The following TXNL4A variants were observed in gnomAD, a reference collection of about 807,000 sequenced individuals.
The protein encoded by TXNL4A is thioredoxin like 4A.
TXNL4A carries 17 observed loss-of-function variants against 14.6 expected under a neutral mutation model. The ratio of observed to expected loss-of-function variants is 1.16; its 90% CI spans 0.80 to 1.74. The LOEUF is 1.74. Ranked by LOEUF, TXNL4A falls within the 40% of genes most tolerant of loss-of-function variation. The pLI, the probability that TXNL4A is intolerant of heterozygous loss-of-function variation, is 0.00. For synonymous variants in TXNL4A, 83 were observed against 70.6 expected, an observed-to-expected ratio of 1.18 and a Z score of -0.88; for missense variants, 74 against 195.2, an observed-to-expected ratio of 0.38 and a Z score of 3.70.
chr18:80,029,296 A>G (rs1200806212), intron 1 of TXNL4A, among the ~76,000 whole-genome samples: 1 of 152,148 alleles, frequency 6.6e-6, no homozygotes, highest in African/African-American at 2.4e-5. Flanking sequence ...TTGATGTGTT[A>G]TTTGTCCCTA....
intron 1 of TXNL4A, among the ~76,000 whole-genome samples, chr18:80,014,511 G>A (rs549815015): frequency 8.5e-5 from 13 of 152,262 alleles, no homozygotes; most frequent in African/African-American, 2.9e-4. Context: ...TTCGGGTCTC[G>A]CATCCAGGTC....
intron 1 of TXNL4A, among the ~76,000 whole-genome samples, chr18:80,025,190 G>A (rs2051876377): frequency 6.6e-6 from 1 of 152,216 alleles, no homozygotes; most frequent in Admixed American, 6.5e-5. Context: ...GTTATTTTCA[G>A]TGGTACCTGG....
chr18:80,003,650 T>C (rs1475889458), intron 1 of TXNL4A, among the ~76,000 whole-genome samples: 4 of 152,216 alleles, frequency 2.6e-5, no homozygotes, highest in Non-Finnish European at 4.4e-5. Context: ...AAGCTACTTT[T>C]AAGAAGCATT....
At chr18:79,979,334 ATT>A (rs2051428440) in intron 1 of TXNL4A, 1 of 152,156 alleles carries the variant, frequency 6.6e-6, no homozygotes, top group Non-Finnish European at 1.5e-5. Context: ...TTACTTTACC[ATT>A]TGATATAGTT....
At chr18:80,002,084 TC>T in intron 1 of TXNL4A, among the ~76,000 whole-genome samples, 1 of 152,172 alleles carries the variant, frequency 6.6e-6, no homozygotes, top group Non-Finnish European at 1.5e-5. Flanking sequence ...GGGCAGTTTT[TC>T]CCCATACTTT....
chr18:80,024,811 A>G (rs554753883), intron 1 of TXNL4A, among the ~76,000 whole-genome samples: 1 of 152,274 alleles, frequency 6.6e-6, no homozygotes, highest in African/African-American at 2.4e-5. Flanking sequence ...ACACAGGTAG[A>G]CCAAACCGGT....
At chr18:80,022,978 G>C (rs1318920384) in intron 1 of TXNL4A, among the ~76,000 whole-genome samples, 1 of 152,206 alleles carries the variant, frequency 6.6e-6, no homozygotes, top group Non-Finnish European at 1.5e-5. Flanking sequence ...GCCTGGGAGA[G>C]ATTATGTAGT....
chr18:80,024,212 T>C (rs2051869229), intron 1 of TXNL4A, among the ~76,000 whole-genome samples: 1 of 151,938 alleles, frequency 6.6e-6, no homozygotes, highest in African/African-American at 2.4e-5. Flanking sequence ...TCCCTTTTTG[T>C]GGGAGTTTTT....
chr18:79,993,458 T>C (rs940302450), upstream of TXNL4A, among the ~76,000 whole-genome samples: 1 of 152,238 alleles, frequency 6.6e-6, no homozygotes, highest in Non-Finnish European at 1.5e-5. This position sits in a 1 kb window ranked among gnomAD's most constrained non-coding sequence, Gnocchi z 4.4. Flanking sequence ...GTTTGGGATT[T>C]TGTCTTGCAA....
chr18:80,028,212 C>T (rs982532136), intron 1 of TXNL4A, among the ~76,000 whole-genome samples: 5 of 148,748 alleles, frequency 3.4e-5, no homozygotes, highest in African/African-American at 1.0e-4. Flanking sequence ...GACCCGGTGG[C>T]TTGAGGGCTG....
chr18:79,970,845 C>A lies in TXNL4A; in HGVS notation c.*2840G>T. ...TAATTATTTTATCTTTTTCTGGTAA[C>A]GCCAGTAAAGCTGTTATCCTAAGAG... On this transcript the variant is annotated 3_prime_UTR_variant, in exon 3 of 3. Transcript: ENST00000269601. 1 of 186,372 alleles carries A rather than the reference C, an allele frequency of 5.4e-6. No individual in the cohort carries two copies. Among genetic ancestry groups the A allele is most frequent in the South Asian group, 1.4e-4 (1 of 7,308 alleles). The allele number at this position is 186,372 out of a possible 1,614,324, so 11.5% of individuals were successfully genotyped here.
chr18:80,001,106 G>A (rs2059088600), intron 1 of TXNL4A, among the ~76,000 whole-genome samples: 1 of 152,224 alleles, frequency 6.6e-6, no homozygotes, highest in African/African-American at 2.4e-5. Flanking sequence ...GTAAGGACTT[G>A]GTGCCCTGTG....
At chr18:80,000,197 CAGA>C (rs1451299286) in intron 1 of TXNL4A, among the ~76,000 whole-genome samples, 1 of 152,088 alleles carries the variant, frequency 6.6e-6, no homozygotes, top group African/African-American at 2.4e-5. Flanking sequence ...TTGGAGGGCT[CAGA>C]AGAAGACAGG....
At chr18:80,033,639 G>A (rs1256998211) in intron 1 of TXNL4A, among the ~76,000 whole-genome samples, 1 of 152,226 alleles carries the variant, frequency 6.6e-6, no homozygotes, top group African/African-American at 2.4e-5. Context: ...TGCTTTGTGC[G>A]GCGCACCCGC....
At position 79,982,857 on chromosome 18, in the gene TXNL4A, G is replaced by A. The variant is rs1405455022; in HGVS notation, c.154-5156C>T. Among the ~76,000 whole-genome samples the A allele has an allele frequency of 6.6e-6, 1 of 152,150 alleles. No homozygotes were observed. Among genetic ancestry groups the A allele is most frequent in the Non-Finnish European group, 1.5e-5 (1 of 68,032 alleles). On this transcript the variant is annotated intron_variant, in intron 1 of 2. Transcript: ENST00000269601. The surrounding 1 kb of genome is among the most constrained non-coding windows in gnomAD (Gnocchi z 4.0). ...ATCTGTGGGGTGACTGGAGGAGCAT[G>A]AGCTGAGGGCAAACATCAGCAAACA...
chr18:80,026,337 C>A (rs2051884332), intron 1 of TXNL4A, among the ~76,000 whole-genome samples: 1 of 152,178 alleles, frequency 6.6e-6, no homozygotes, highest in Non-Finnish European at 1.5e-5. Flanking sequence ...CCTTCCCTCC[C>A]AGTCTGTTGC....
chr18:80,004,804 G>A (rs768072472), intron 1 of TXNL4A, among the ~76,000 whole-genome samples: 1 of 152,114 alleles, frequency 6.6e-6, no homozygotes, highest in African/African-American at 2.4e-5. Context: ...AGTGGCTGCC[G>A]GTCCTGAGAT....
intron 1 of TXNL4A, among the ~76,000 whole-genome samples, chr18:79,999,673 T>C (rs1421730433): frequency 1.3e-5 from 2 of 152,130 alleles, no homozygotes; most frequent in Non-Finnish European, 2.9e-5. Flanking sequence ...AGAGCAGCAT[T>C]TGAGCCAGCC....
intron 1 of TXNL4A, chr18:80,030,518 T>TA (rs2145133167): frequency 6.6e-6 from 1 of 152,370 alleles, no homozygotes; most frequent in East Asian, 1.9e-4. Flanking sequence ...TATGCGGACT[T>TA]ACGCCTCTTT....
Sources: allele counts gnomAD v4.1 joint callset (sites outside exome capture counted in the v4.1 genomes callset), GRCh38; gene constraint gnomAD v4.1.1; non-coding constraint Gnocchi (gnomAD v3.1); transcripts MANE v1.5; gene names NCBI Gene and HGNC (gene_info 2026-07-23, HGNC 2026-07-21).